Variants in SERPINB2 observed in about 807,000 individuals in gnomAD.
The protein encoded by SERPINB2 is plasminogen activator inhibitor 2.
Under a neutral mutation model 39.4 loss-of-function variants are expected in SERPINB2, and 28 were observed. The observed-to-expected ratio is 0.71, with a 90% CI of 0.53 to 0.97. The LOEUF (loss-of-function observed/expected upper bound fraction) is 0.97. SERPINB2 is among the 50% of genes least tolerant of loss of function. The probability of loss-of-function intolerance (pLI) is 0.00; values close to 1 mark genes in which losing one functional copy is unlikely to be tolerated. For missense variants in SERPINB2, 557 were observed against 505.3 expected, an observed-to-expected ratio of 1.10 and a Z score of -0.98; for synonymous variants, 209 against 175.1, an observed-to-expected ratio of 1.19 and a Z score of -1.53.
chr18:63,897,034 A>G, intron 3 of SERPINB2, 57 bp from the exon 4 acceptor site: 1 of 1,525,182 alleles, frequency 6.6e-7, no homozygotes, highest in African/African-American at 1.4e-5. Flanking sequence ...TGGCTTAAGA[A>G]CTATCTTGTT....
Position 63,891,555 on chromosome 18 carries a change from C to A in SERPINB2, c.111C>A (p.Ser37=). 6.2e-7 allele frequency: 1 copy of A among 1,614,172 alleles called. No individual in the cohort carries two copies. Among genetic ancestry groups the A allele is most frequent in the Non-Finnish European group, 8.5e-7 (1 of 1,180,012 alleles). Residue 37 remains serine (S), a synonymous_variant, in exon 2 of 8, where the codon TCC becomes TCA. Coordinates refer to ENST00000299502, the MANE Select transcript of SERPINB2 (RefSeq NM_002575.3). ...TCCTCTCCCCATGGAGCATCTCGTC[C>A]ACCATGGCCATGGTCTACATGGGCT... ...NLFLSPWSIS[S]TMAMVYMGSR... is the part of the protein sequence containing the mutation.
rs975913517 is a variant in SERPINB2, at chr18:63,897,163, T to C, written c.361T>C (p.Tyr121His). ...TGCAATCAATGCATCCACAGGGAAT[T>C]ATTTACTGGAAAGTGTCAATAAGCT... is the stretch of plus-strand genomic sequence containing the variant. ...SSAINASTGN[Y>H]LLESVNKLFG... Residue 121 changes from tyrosine to histidine, a missense_variant, in exon 4 of 8, where the codon TAT becomes CAT. By Grantham distance (83) the Tyr-to-His change is moderately conservative. Coordinates refer to ENST00000299502, the MANE Select transcript of SERPINB2 (RefSeq NM_002575.3). 6.2e-7 allele frequency: 1 copy of C among 1,613,430 alleles called. No homozygotes were observed. Among genetic ancestry groups the C allele is most frequent in the Non-Finnish European group, 8.5e-7 (1 of 1,179,644 alleles).
chr18:63,902,309 T>A (rs1863583), intron 6 of SERPINB2, 95 bp from the exon 7 acceptor site: 268,646 of 1,110,774 alleles, frequency 0.24, 34,848 homozygotes, highest in East Asian at 0.4. Flanking sequence ...ACATTTATCC[T>A]ACACTAAAGT....
intron 1 of SERPINB2, among the ~76,000 whole-genome samples, chr18:63,889,171 C>G (rs1319326392): frequency 6.6e-6 from 1 of 152,088 alleles, no homozygotes; most frequent in Non-Finnish European, 1.5e-5. Flanking sequence ...CCTTACTGGA[C>G]AGGTAATTAT....
At position 63,891,511 on chromosome 18, in the gene SERPINB2, A is replaced by G. The variant is rs1300328661; in HGVS notation, c.67A>G (p.Ser23Gly). ...TTTATTCAAGCATCTGGCAAAAGCA[A>G]GCCCCACCCAGAACCTCTTCCTCTC... ...LNLFKHLAKA[S>G]PTQNLFLSPW... Residue 23 changes from serine to glycine, a missense_variant, in exon 2 of 8, where the codon AGC becomes GGC. By Grantham distance (56) the Ser-to-Gly change is moderately conservative. Coordinates refer to ENST00000299502, the MANE Select transcript of SERPINB2 (RefSeq NM_002575.3). 1 of 1,614,170 alleles carries G rather than the reference A, an allele frequency of 6.2e-7. No homozygotes were observed. The highest frequency in any genetic ancestry group is 8.5e-7 in the Non-Finnish European group (1 of 1,180,014).
chr18:63,896,924 A>G (rs1439125358), intron 3 of SERPINB2, among the ~76,000 whole-genome samples, 167 bp from the exon 4 acceptor site: 1 of 152,232 alleles, frequency 6.6e-6, no homozygotes, highest in African/African-American at 2.4e-5. Flanking sequence ...AATGTACCAC[A>G]TCCTTATCGA....
chr18:63,889,557 C>T (rs1399467652), intron 1 of SERPINB2, among the ~76,000 whole-genome samples: 1 of 152,062 alleles, frequency 6.6e-6, no homozygotes, highest in Non-Finnish European at 1.5e-5. Context: ...ATTTACATTT[C>T]TCACATGGGG....
intron 5 of SERPINB2, among the ~76,000 whole-genome samples, chr18:63,899,134 T>A (rs553206395): frequency 6.6e-6 from 1 of 152,320 alleles, no homozygotes; most frequent in African/African-American, 2.4e-5. Context: ...GGATTTAAGT[T>A]GCAGTTTAAA....
At chr18:63,891,415 T>C (rs1348101635) in intron 1 of SERPINB2, 21 bp from the exon 2 acceptor site, 7 of 1,612,600 alleles carry the variant, frequency 4.3e-6, no homozygotes, top group Non-Finnish European at 5.9e-6. Context: ...GCTGTTTTTT[T>C]CTTCCTCTCT....
chr18:63,901,866 CT>C lies in SERPINB2; in HGVS notation c.665del (p.Phe222SerfsTer3). 6.3e-7 allele frequency: 1 copy of C among 1,598,784 alleles called. No individual in the cohort carries two copies. The highest frequency in any genetic ancestry group is 8.5e-7 in the Non-Finnish European group (1 of 1,175,856). On this transcript the variant is annotated frameshift_variant, in exon 6 of 8. Coordinates refer to ENST00000299502, the MANE Select transcript of SERPINB2 (RefSeq NM_002575.3). LOFTEE classifies it high-confidence loss of function. ...GAGAAGAAACTAAATGGGCTTTATC[CT>C]TTCCGTGTAAACTCGGTATGAGACA... ...PFEKKLNGLY[P>X]FRVNSAQRTP...
Position 63,895,321 on chromosome 18 carries a change from TTTACCAGCTGTG to T in SERPINB2, c.227_238del (p.Phe76_Gly80delinsTrp). On this transcript the variant is annotated inframe_deletion, in exon 3 of 8. Coordinates refer to ENST00000299502, the MANE Select transcript of SERPINB2 (RefSeq NM_002575.3). ...AGTTACCCCCATGACTCCAGAGAAC[TTTACCAGCTGTG>T]GGTTCATGCAGCAGATCCAGAAGGG... 6.2e-7 allele frequency: 1 copy of T among 1,614,150 alleles called. No individual in the cohort carries two copies. Among genetic ancestry groups the T allele is most frequent in the Non-Finnish European group, 8.5e-7 (1 of 1,180,004 alleles).
intron 2 of SERPINB2, 29 bp from the exon 3 acceptor site, chr18:63,895,235 G>T (rs1336382831): frequency 1.2e-6 from 2 of 1,610,210 alleles, no homozygotes; most frequent in Non-Finnish European, 1.7e-6. Context: ...GTGGGCAAGT[G>T]TAACCGTTTT....
At chr18:63,900,242 A>G (rs897404460) in intron 5 of SERPINB2, among the ~76,000 whole-genome samples, 3 of 152,146 alleles carry the variant, frequency 2.0e-5, no homozygotes, top group East Asian at 1.9e-4. Context: ...TAGTTTTATC[A>G]TATACATCAC....
Position 63,903,269 on chromosome 18 carries a change from C to G in SERPINB2, c.1212C>G (p.Asn404Lys), listed in dbSNP as rs6103. The change falls in exon 8 of 8, where the codon AAC becomes AAG. Residue 404 changes from asparagine to lysine, a missense_variant. Coordinates refer to ENST00000299502, the MANE Select transcript of SERPINB2 (RefSeq NM_002575.3). ...TTCTTATTATGCATAAGATAACCAACTGCATTTTATTTTTCGGCAGATTTT... is the reference window on the plus strand; with the variant it reads ...TTCTTATTATGCATAAGATAACCAAGTGCATTTTATTTTTCGGCAGATTTT... The part of the protein sequence containing the change: ...FLFLIMHKIT[N>K]CILFFGRFSS... 0.24 allele frequency: 375,605 copies of G among 1,548,660 alleles called. 48,584 individuals are homozygous for G. Among genetic ancestry groups the G allele is most frequent in the East Asian group, 0.41 (18,143 of 43,950 alleles).
intron 7 of SERPINB2, 21 bp downstream of exon 7, chr18:63,902,589 A>G (rs370531552): frequency 2.2e-6 from 2 of 921,814 alleles, no homozygotes; most frequent in African/African-American, 6.7e-5. Context: ...CAGATATTTA[A>G]GTTTCTGGGG....
chr18:63,891,414 T>A (rs2049924849), intron 1 of SERPINB2, 22 bp from the exon 2 acceptor site: 3 of 1,612,596 alleles, frequency 1.9e-6, no homozygotes, highest in Non-Finnish European at 1.7e-6. Context: ...AGCTGTTTTT[T>A]TCTTCCTCTC....
intron 1 of SERPINB2, chr18:63,890,976 C>A (rs930376381): frequency 1.2e-5 from 2 of 161,852 alleles, no homozygotes; most frequent in South Asian, 1.8e-4. Flanking sequence ...TGGATGTGTG[C>A]GTTGTGCTTG....
Position 63,901,880 on chromosome 18 carries a change from T to G in SERPINB2, c.676T>G (p.Ser226Ala). Residue 226 changes from serine (S) to alanine (A), a missense_variant and splice_region_variant, in exon 6 of 8, where the codon TCG (serine) becomes GCG (alanine). Transcript: ENST00000299502. ...LNGLYPFRVN[S>A]AQRTPVQMMY... Reference sequence around the variant, plus strand: ...TGGGCTTTATCCTTTCCGTGTAAACTCGGTATGAGACAACAAAATACATCT... The same window carrying G: ...TGGGCTTTATCCTTTCCGTGTAAACGCGGTATGAGACAACAAAATACATCT... 1 of 1,595,692 alleles carries G rather than the reference T, an allele frequency of 6.3e-7. No individual in the cohort carries two copies. The highest frequency in any genetic ancestry group is 1.4e-5 in the African/African-American group (1 of 73,716).
chr18:63,893,083 C>T (rs1599058320), intron 2 of SERPINB2, among the ~76,000 whole-genome samples: 1 of 152,094 alleles, frequency 6.6e-6, no homozygotes, highest in Admixed American at 6.6e-5. Context: ...CAGGCGCCTG[C>T]CACGATGCCC....
Sources: gnomAD v4.1 joint callset for allele counts (sites outside exome capture counted in the v4.1 genomes callset) on GRCh38, gnomAD v4.1.1 for gene constraint, MANE v1.5 for transcripts, NCBI Gene and HGNC (gene_info 2026-07-23, HGNC 2026-07-21) for gene names.